MYO1C: variants seen among roughly 807,000 people sequenced by gnomAD.
The protein encoded by MYO1C is myosin IC, also known as unconventional myosin-Ic.
In MYO1C, 104 loss-of-function variants were observed where a neutral mutation model predicts 150.8. The ratio of observed to expected loss-of-function variants is 0.69; its 90% CI spans 0.59 to 0.81. The LOEUF is 0.81. Among genes scored for constraint, MYO1C ranks in the 30% least tolerant of loss-of-function variants. The pLI, the probability that MYO1C is intolerant of heterozygous loss-of-function variation, is 0.00. For synonymous variants in MYO1C, 663 were observed against 579.9 expected (o/e 1.14, Z -2.06); for missense variants, 1,504 against 1,435.0 (o/e 1.05, Z -0.78).
chr17:1,467,628 A>ACCCCCACCCC, intron 29 of MYO1C, 51 bp from the exon 30 acceptor site: 1 of 1,516,910 alleles, frequency 6.6e-7, no homozygotes, highest in Non-Finnish European at 8.9e-7. Flanking sequence ...AACTTGAGGA[A>ACCCCCACCCC]CCCCCGCCCC....
At chr17:1,484,591 C>CAGGGCATGG in intron 1 of MYO1C, 1 of 563,862 alleles carries the variant, frequency 1.8e-6, no homozygotes, top group Non-Finnish European at 3.2e-6. Flanking sequence ...GACTCGGACA[C>CAGGGCATGG]AGGGCATGGA....
rs760622463 is a variant in MYO1C at position 1,467,273 on chromosome 17, A to G, written c.3134T>C (p.Ile1045Thr). ...CAGGTGCCCGTTCTTGGCCTTGGTG[A>G]TGAGCAGCTCCGAGCCGGGTGTGAA... ...IDFTPGSELL[I>T]TKAKNGHLAV... Residue 1045 changes from isoleucine (I) to threonine (T), a missense_variant, in exon 31 of 32, where the codon ATC (isoleucine) becomes ACC (threonine). Coordinates refer to ENST00000648651, the MANE Select transcript of MYO1C (RefSeq NM_001080779.2). 89 of 1,613,452 alleles carry G rather than the reference A, an allele frequency of 5.5e-5. No homozygotes were observed. Among genetic ancestry groups the G allele is most frequent in the Non-Finnish European group, 7.5e-5 (88 of 1,179,806 alleles).
chr17:1,483,998 C>A, intron 2 of MYO1C, 150 bp downstream of exon 2: 1 of 1,000,934 alleles, frequency 1.0e-6, no homozygotes, highest in Non-Finnish European at 1.5e-6. Context: ...GCTGAGATCG[C>A]GCCACTGCAC....
Position 1,471,775 on chromosome 17 carries a change from C to A in MYO1C, c.2021+132G>T, listed in dbSNP as rs2074308263. ...AGGACCGCAGCACCAAGGGCCTCCA[C>A]CAAGGGCAGCCCAGGGCCTCCGCAT... On this transcript the variant is annotated intron_variant, in intron 19 of 31. Transcript: ENST00000648651. 2.1e-5 allele frequency: 21 copies of A among 986,108 alleles called. No individual in the cohort carries two copies. In the South Asian group the frequency reaches 2.9e-4, roughly 13 times the overall value. 61.1% of individuals were successfully genotyped at this position (986,108 alleles called of 1,614,324 possible). A position where few individuals can be genotyped will look rare whatever the true frequency, so the allele number is the denominator to read the frequency against.
chr17:1,469,959 C>A (rs866273717), intron 24 of MYO1C, among the ~76,000 whole-genome samples: 1 of 152,144 alleles, frequency 6.6e-6, no homozygotes, highest in African/African-American at 2.4e-5. Flanking sequence ...CGCTTGAACC[C>A]GGGAGGCGGA....
Position 1,474,620 on chromosome 17 carries a change from C to A in MYO1C, c.1787G>T (p.Arg596Leu), listed in dbSNP as rs372299065. 37 of 1,613,880 alleles carry A rather than the reference C, an allele frequency of 2.3e-5. No individual in the cohort carries two copies. The Admixed American group carries it at 3.0e-4, about 13-fold the overall frequency. The change falls in exon 17 of 32, where the codon CGG becomes CTG. Residue 596 changes from arginine to leucine, a missense_variant. By Grantham distance (102) the Arg-to-Leu change is moderately radical. Transcript: ENST00000648651. The part of the protein sequence containing the change: ...FDRSELSDKK[R>L]PETVATQFKM... Reference sequence around the variant, plus strand: ...CCGCCACCTCCTCACCGTCTCTGGCCGCTTCTTGTCACTGAGCTCGCTCCG... The same window carrying A: ...CCGCCACCTCCTCACCGTCTCTGGCAGCTTCTTGTCACTGAGCTCGCTCCG...
chr17:1,487,372 C>T (rs536016240), intron 1 of MYO1C, among the ~76,000 whole-genome samples: 1 of 152,240 alleles, frequency 6.6e-6, no homozygotes, highest in South Asian at 2.1e-4. Flanking sequence ...AACCCAAAGC[C>T]CCAGCGCCCC....
intron 31 of MYO1C, among the ~76,000 whole-genome samples, chr17:1,466,513 G>C (rs2074174444): frequency 6.6e-6 from 1 of 152,016 alleles, no homozygotes; most frequent in South Asian, 2.1e-4. Context: ...TATTTTAGTA[G>C]AGATGGGGTT....
At chr17:1,468,348 A>G (rs753452981) in intron 26 of MYO1C, 40 bp from the exon 27 acceptor site, 5 of 1,613,714 alleles carry the variant, frequency 3.1e-6, no homozygotes, top group Admixed American at 1.7e-5. Flanking sequence ...AGTGGAGGCA[A>G]TGGGGGACCA....
At chr17:1,475,596 C>T (rs1033721517) in intron 14 of MYO1C, among the ~76,000 whole-genome samples, 3 of 152,232 alleles carry the variant, frequency 2.0e-5, no homozygotes, top group South Asian at 2.1e-4. Flanking sequence ...TCGGCCGCTG[C>T]GGGCTCTGCT....
chr17:1,467,126 G>A, intron 31 of MYO1C, 116 bp downstream of exon 31: 2 of 958,388 alleles, frequency 2.1e-6, no homozygotes, highest in South Asian at 1.4e-5. Flanking sequence ...GGAAGAGGTG[G>A]TATGATGGCC....
chr17:1,477,414 T>G (rs1252781449), intron 14 of MYO1C, 91 bp downstream of exon 14: 16 of 1,168,494 alleles, frequency 1.4e-5, no homozygotes, highest in Non-Finnish European at 2.0e-5. Context: ...TCCTTGTGGC[T>G]GGTGTTTTGT....
intron 25 of MYO1C, 86 bp downstream of exon 25, chr17:1,469,445 T>TAC (rs370039862): frequency 2.4e-6 from 3 of 1,259,528 alleles, no homozygotes; most frequent in African/African-American, 3.0e-5. Flanking sequence ...CCGGGGTAAA[T>TAC]GCCCCTCCAG....
At chr17:1,492,127 G>A in intron 1 of MYO1C, 1 of 469,666 alleles carries the variant, frequency 2.1e-6, no homozygotes, top group South Asian at 2.1e-5. Context: ...CCTCACAGCA[G>A]CCGGCACTTG....
Position 1,468,459 on chromosome 17 carries a change from C to A in MYO1C, c.2648G>T (p.Gly883Val). 6.2e-7 allele frequency: 1 copy of A among 1,613,966 alleles called. No homozygotes were observed. The highest frequency in any genetic ancestry group is 8.5e-7 in the Non-Finnish European group (1 of 1,179,974). ...QKAVASEIFKGKKDNYPQSVP... is the reference protein window; with the variant it reads ...QKAVASEIFKVKKDNYPQSVP... ...ACTCTGAGGGTAATTATCCTTCTTG[C>A]CCTTGAAGATCTCACTAGCCACGGC... is the stretch of plus-strand genomic sequence containing the variant. The change falls in exon 26 of 32, where the codon GGC becomes GTC. Residue 883 changes from glycine to valine, a missense_variant. Physicochemically the swap from Gly to Val is moderately radical, Grantham distance 109 (BLOSUM62 -3). Transcript: ENST00000648651.
chr17:1,478,561 G>C lies in MYO1C; in HGVS notation c.1212+55C>G. The C allele has an allele frequency of 6.2e-7, 1 of 1,613,746 alleles. No individual in the cohort carries two copies. On this transcript the variant is annotated intron_variant, in intron 10 of 31. Transcript: ENST00000648651. The surrounding 1 kb of genome is among the most constrained non-coding windows in gnomAD (Gnocchi z 6.3). ...CCAGCCCCACCCTGCAGCACCCCCCGCCTCGCCGACGGCCCTCCCTTCTGC... is the reference window on the plus strand; with the variant it reads ...CCAGCCCCACCCTGCAGCACCCCCCCCCTCGCCGACGGCCCTCCCTTCTGC...
intron 29 of MYO1C, 57 bp from the exon 30 acceptor site, chr17:1,467,634 GC>G: frequency 2.1e-6 from 2 of 936,516 alleles, no homozygotes. Flanking sequence ...AGGAACCCCC[GC>G]CCCACCTCCC....
chr17:1,469,961 G>A (rs1004022933), intron 24 of MYO1C, among the ~76,000 whole-genome samples: 2 of 152,130 alleles, frequency 1.3e-5, no homozygotes, highest in East Asian at 1.9e-4. Context: ...CTTGAACCCG[G>A]GAGGCGGAGG....
chr17:1,485,674 C>A, intron 1 of MYO1C: 1 of 1,214,010 alleles, frequency 8.2e-7, no homozygotes, highest in Admixed American at 4.0e-5. Context: ...CCCGCCCTGC[C>A]CCGCCGCCCC....
Sources: gnomAD v4.1 joint callset for allele counts (sites outside exome capture counted in the v4.1 genomes callset) on GRCh38, gnomAD v4.1.1 for gene constraint, Gnocchi (gnomAD v3.1) non-coding constraint, MANE v1.5 for transcripts, NCBI Gene and HGNC (gene_info 2026-07-23, HGNC 2026-07-21) for gene names.